TDRD3: variants seen among roughly 807,000 people sequenced by gnomAD.
TDRD3 encodes the protein tudor domain-containing protein 3.
In TDRD3, 45 loss-of-function variants were observed where a neutral mutation model predicts 86.7. That is an observed-to-expected ratio of 0.52 (90% confidence interval 0.41 to 0.67). The LOEUF is 0.67. Among genes scored for constraint, TDRD3 ranks in the 30% least tolerant of loss-of-function variants. The probability of loss-of-function intolerance (pLI) is 0.00; values close to 1 mark genes in which losing one functional copy is unlikely to be tolerated. For missense variants in TDRD3, 814 were observed against 889.0 expected, an observed-to-expected ratio of 0.92 and a Z score of 1.07; for synonymous variants, 298 against 301.7, an observed-to-expected ratio of 0.99 and a Z score of 0.13.
rs772209746 is a variant in TDRD3 at position 60,432,989 on chromosome 13, A to G, written c.42-6699A>G. Reference sequence around the variant, plus strand: ...TTGATTTGGGTTTTATTCAGGGGCAATTAAGAACACCATGTACCAGTCACT... The same window carrying G: ...TTGATTTGGGTTTTATTCAGGGGCAGTTAAGAACACCATGTACCAGTCACT... On this transcript the variant is annotated intron_variant, in intron 1 of 13. Transcript: ENST00000377881. Among the ~76,000 whole-genome samples the G allele has an allele frequency of 1.6e-4, 24 of 152,300 alleles. 1 individual carries two copies. The South Asian group carries it at 3.1e-3, about 20-fold the overall frequency.
chr13:60,488,857 A>T (rs1956513860), intron 7 of TDRD3, among the ~76,000 whole-genome samples: 3 of 152,188 alleles, frequency 2.0e-5, no homozygotes, highest in African/African-American at 7.2e-5. Flanking sequence ...GGGATTACAC[A>T]GGCGTGAGCT....
intron 10 of TDRD3, among the ~76,000 whole-genome samples, chr13:60,519,384 A>G (rs546860067): frequency 6.6e-6 from 1 of 152,314 alleles, no homozygotes; most frequent in African/African-American, 2.4e-5. Flanking sequence ...CAAAAATAAC[A>G]TAAGGTTATT....
intron 1 of TDRD3, among the ~76,000 whole-genome samples, chr13:60,425,291 C>G (rs1487608628): frequency 6.6e-6 from 1 of 152,068 alleles, no homozygotes; most frequent in East Asian, 1.9e-4. Context: ...CAGGGACATG[C>G]AAATTGAAAC....
intron 8 of TDRD3, among the ~76,000 whole-genome samples, chr13:60,496,398 G>A (rs1956721106): frequency 7.0e-6 from 1 of 142,824 alleles, no homozygotes; most frequent in African/African-American, 2.6e-5. Context: ...GGTACCAGGA[G>A]TGGTTCTAGA....
chr13:60,506,481 C>T (rs1030055746), intron 8 of TDRD3, among the ~76,000 whole-genome samples: 1 of 152,140 alleles, frequency 6.6e-6, no homozygotes, highest in African/African-American at 2.4e-5. Flanking sequence ...TGCAGTGGCT[C>T]ATGCCTGTAA....
chr13:60,548,544 A>T (rs1957981059), intron 12 of TDRD3, among the ~76,000 whole-genome samples: 1 of 152,228 alleles, frequency 6.6e-6, no homozygotes, highest in South Asian at 2.1e-4. Flanking sequence ...TGATTAGATT[A>T]CATTATTAAA....
intron 3 of TDRD3, among the ~76,000 whole-genome samples, 178 bp downstream of exon 3, chr13:60,444,926 T>C (rs950982516): frequency 2.6e-5 from 4 of 152,000 alleles, no homozygotes; most frequent in Non-Finnish European, 5.9e-5. Context: ...ATTCAACTTT[T>C]GGTGACTTTT....
chr13:60,417,629 G>A (rs769864965), intron 1 of TDRD3, among the ~76,000 whole-genome samples: 3 of 151,994 alleles, frequency 2.0e-5, no homozygotes, highest in Non-Finnish European at 2.9e-5. Context: ...GGTGTGAGCC[G>A]CCACACTGGC....
intron 10 of TDRD3, among the ~76,000 whole-genome samples, chr13:60,520,039 T>C (rs1281781534): frequency 6.6e-6 from 1 of 152,162 alleles, no homozygotes; most frequent in East Asian, 1.9e-4. Flanking sequence ...TTTTAAAAAT[T>C]GGCTTTTCTC....
At chr13:60,537,839 AAAC>A in intron 12 of TDRD3, 1 of 152,098 alleles carries the variant, frequency 6.6e-6, no homozygotes, top group African/African-American at 2.4e-5. Flanking sequence ...AGATTTTGGA[AAAC>A]TCTTGTTTTC....
intron 3 of TDRD3, among the ~76,000 whole-genome samples, chr13:60,453,426 A>G (rs940839609): frequency 1.3e-5 from 2 of 152,178 alleles, no homozygotes; most frequent in South Asian, 2.1e-4. Flanking sequence ...TTGTTTTTCT[A>G]CTGAATTAGT....
At chr13:60,425,576 G>C (rs1954780489) in intron 1 of TDRD3, among the ~76,000 whole-genome samples, 3 of 152,150 alleles carry the variant, frequency 2.0e-5, no homozygotes, top group Admixed American at 2.0e-4. Flanking sequence ...TATTGCAGCA[G>C]TAGTCACAGT....
intron 1 of TDRD3, among the ~76,000 whole-genome samples, chr13:60,434,444 G>A (rs1239188223): frequency 1.3e-5 from 2 of 150,218 alleles, no homozygotes; most frequent in Non-Finnish European, 1.5e-5. Flanking sequence ...TTCCAGCCTG[G>A]TGAAAAGTGA....
intron 12 of TDRD3, among the ~76,000 whole-genome samples, chr13:60,550,473 A>G (rs1273326295): frequency 2.6e-5 from 4 of 152,092 alleles, no homozygotes; most frequent in Non-Finnish European, 5.9e-5. Flanking sequence ...GTAGATACGA[A>G]GAGAGGAAAA....
intron 2 of TDRD3, among the ~76,000 whole-genome samples, chr13:60,441,818 G>C (rs963143694): frequency 6.6e-6 from 1 of 152,118 alleles, no homozygotes. Context: ...CATGTATATA[G>C]TGTTTCTCTC....
intron 1 of TDRD3, among the ~76,000 whole-genome samples, chr13:60,425,950 G>A (rs570955397): frequency 1.4e-4 from 21 of 152,088 alleles, no homozygotes; most frequent in Admixed American, 1.4e-3. Flanking sequence ...TATTGGTAAG[G>A]CTTCTGGTCA....
intron 3 of TDRD3, among the ~76,000 whole-genome samples, chr13:60,450,271 TTTC>T (rs2138005706): frequency 6.6e-6 from 1 of 152,274 alleles, no homozygotes; most frequent in Non-Finnish European, 1.5e-5. Flanking sequence ...CTCTTCTAAT[TTTC>T]TTGACCTCTT....
At chr13:60,506,680 C>A (rs774344137) in intron 8 of TDRD3, among the ~76,000 whole-genome samples, 4 of 152,100 alleles carry the variant, frequency 2.6e-5, no homozygotes, top group Non-Finnish European at 5.9e-5. Context: ...TCACTGGAAC[C>A]TGGGAGGCGG....
At chr13:60,425,098 T>C (rs1374932101) in intron 1 of TDRD3, among the ~76,000 whole-genome samples, 1 of 152,170 alleles carries the variant, frequency 6.6e-6, no homozygotes, top group Non-Finnish European at 1.5e-5. Context: ...AGCTAACTTA[T>C]TCAAGGAAAA....
Sources: allele counts gnomAD v4.1 joint callset (sites outside exome capture counted in the v4.1 genomes callset), GRCh38; gene constraint gnomAD v4.1.1; transcripts MANE v1.5; gene names NCBI Gene and HGNC (gene_info 2026-07-23, HGNC 2026-07-21).